ARHGAP27: variants seen among roughly 807,000 people sequenced by gnomAD.
The protein encoded by ARHGAP27 is Rho GTPase activating protein 27, also known as rho GTPase-activating protein 27.
ARHGAP27 carries 53 observed loss-of-function variants against 102.0 expected under a neutral mutation model. That is an observed-to-expected ratio of 0.52 (90% CI 0.42 to 0.65). The LOEUF is 0.65. ARHGAP27 is among the 30% of genes least tolerant of loss of function. The pLI is 0.00. For synonymous variants in ARHGAP27, 525 were observed against 542.8 expected, an observed-to-expected ratio of 0.97 and a Z score of 0.46; for missense variants, 1,117 against 1,256.2, an observed-to-expected ratio of 0.89 and a Z score of 1.68.
chr17:45,398,009 G>T lies in ARHGAP27; in HGVS notation c.1782C>A (p.His594Gln). 1.2e-6 allele frequency: 2 copies of T among 1,610,248 alleles called. No homozygotes were observed. The highest frequency in any genetic ancestry group is 1.7e-4 in the Middle Eastern group (1 of 6,042). Residue 594 changes from histidine (H) to glutamine (Q), a missense_variant, in exon 13 of 20, where the codon CAC becomes CAA. Physicochemically the swap from His to Gln is conservative, Grantham distance 24. Around this residue, in one of 3 missense-constraint regions of ARHGAP27, gnomAD observed 493 missense variants for 505.5 expected, o/e 0.98. Coordinates refer to ENST00000685559, the MANE Select transcript of ARHGAP27 (RefSeq NM_001282290.2). ...SRDGSEYLIQ[H>Q]DSEAIISTWH... ...AGGTGCTGATGATGGCCTCCGAGTC[G>T]TGCTGGATCAGGTACTCAGAGCCAT...
chr17:45,404,069 G>A lies in ARHGAP27; in HGVS notation c.1507C>T (p.Leu503Phe). ...RTKTLDKAGV[L>F]HRTKTADKGK... ...TTGTCTGCCGTCTTGGTGCGATGGA[G>A]CACCCCTGCCTTGTCCAAGGTCTTG... Residue 503 changes from leucine (L) to phenylalanine (F), a missense_variant, in exon 10 of 20, where the codon CTC becomes TTC. Physicochemically the swap from Leu to Phe is conservative, Grantham distance 22. This residue lies in a region of ARHGAP27 where 610 missense variants were observed against 716.4 expected (regional missense o/e 0.85). Coordinates refer to ENST00000685559, the MANE Select transcript of ARHGAP27 (RefSeq NM_001282290.2). 5 of 1,614,158 alleles carry A rather than the reference G, an allele frequency of 3.1e-6. No homozygotes were observed. Among genetic ancestry groups the A allele is most frequent in the Non-Finnish European group, 4.2e-6 (5 of 1,180,026 alleles).
chr17:45,415,062 CAAAA>C (rs546453138), intron 4 of ARHGAP27, among the ~76,000 whole-genome samples: 2 of 61,304 alleles, frequency 3.3e-5, no homozygotes, highest in Non-Finnish European at 3.3e-5. Context: ...GAGTCCATCT[CAAAA>C]AAAAAAAAAA....
At chr17:45,423,883 C>A (rs1430723665) in intron 4 of ARHGAP27, among the ~76,000 whole-genome samples, 1 of 152,250 alleles carries the variant, frequency 6.6e-6, no homozygotes, top group African/African-American at 2.4e-5. Context: ...TGCTCACAGT[C>A]ATTCGATTGA....
At position 45,430,059 on chromosome 17, in the gene ARHGAP27, G is replaced by A. The variant is rs1484683402; in HGVS notation, c.221C>T (p.Ala74Val). 3 of 1,292,388 alleles carry A rather than the reference G, an allele frequency of 2.3e-6. No individual in the cohort carries two copies. Among genetic ancestry groups the A allele is most frequent in the African/African-American group, 1.6e-5 (1 of 63,228 alleles). 80.1% of individuals were successfully genotyped at this position (1,292,388 alleles called of 1,614,324 possible). Reference sequence around the variant, plus strand: ...GTGGGGACCTGGCGGCGCGGCGGCGGCAGGGTTGCCCAGCGCGGGCAGCTC... The same window carrying A: ...GTGGGGACCTGGCGGCGCGGCGGCGACAGGGTTGCCCAGCGCGGGCAGCTC... The part of the protein sequence containing the change: ...VRELPALGNP[A>V]AAAPPGPHPS... The change falls in exon 4 of 20, where the codon GCC becomes GTC. Residue 74 changes from alanine to valine, a missense_variant. Coordinates refer to ENST00000685559, the MANE Select transcript of ARHGAP27 (RefSeq NM_001282290.2). This position sits in a 1 kb window ranked among gnomAD's most constrained non-coding sequence, Gnocchi z 4.4.
intron 4 of ARHGAP27, among the ~76,000 whole-genome samples, chr17:45,415,720 A>G (rs1281345240): frequency 6.6e-6 from 1 of 152,200 alleles, no homozygotes; most frequent in African/African-American, 2.4e-5. Flanking sequence ...GGTAACACCA[A>G]GGTTAGAGGA....
At chr17:45,422,732 T>C (rs1190586789) in intron 4 of ARHGAP27, among the ~76,000 whole-genome samples, 1 of 152,134 alleles carries the variant, frequency 6.6e-6, no homozygotes, top group African/African-American at 2.4e-5. Context: ...AGAGAAAATG[T>C]GAGAGGAAGG....
chr17:45,418,977 A>G (rs1469359279), intron 4 of ARHGAP27, among the ~76,000 whole-genome samples: 1 of 151,548 alleles, frequency 6.6e-6, no homozygotes, highest in Non-Finnish European at 1.5e-5. Context: ...TCTCTTCTCC[A>G]CTCTAGGGCC....
At chr17:45,412,300 C>T (rs2048004518) in intron 4 of ARHGAP27, among the ~76,000 whole-genome samples, 1 of 152,196 alleles carries the variant, frequency 6.6e-6, no homozygotes, top group Non-Finnish European at 1.5e-5. Flanking sequence ...CCAGAGGGGT[C>T]CACCTCCCTC....
Position 45,404,923 on chromosome 17 carries a change from C to T in ARHGAP27, c.1248+1G>A. ...CGGGTCCATCTGCCCCCTGCCCCTA[C>T]CTGCTCCTGAGTGAAGTGGTTGGTG... On this transcript the variant is annotated splice_donor_variant, in intron 6 of 19. Coordinates refer to ENST00000685559, the MANE Select transcript of ARHGAP27 (RefSeq NM_001282290.2). LOFTEE classifies it high-confidence loss of function. The T allele has an allele frequency of 6.2e-7, 1 of 1,614,084 alleles. No homozygotes were observed. Among genetic ancestry groups the T allele is most frequent in the Non-Finnish European group, 8.5e-7 (1 of 1,179,982 alleles).
At chr17:45,431,275 G>C (rs944475767) in intron 3 of ARHGAP27, among the ~76,000 whole-genome samples, 3 of 152,206 alleles carry the variant, frequency 2.0e-5, no homozygotes, top group South Asian at 2.1e-4. Context: ...AACTAAATCT[G>C]TCTGCGCCCC....
intron 4 of ARHGAP27, among the ~76,000 whole-genome samples, chr17:45,413,700 C>T (rs997484273): frequency 3.9e-5 from 6 of 152,116 alleles, no homozygotes; most frequent in African/African-American, 1.4e-4. Flanking sequence ...GCCTGCTCCT[C>T]CAGGGCGGGG....
chr17:45,414,902 C>CAA (rs35471470), intron 4 of ARHGAP27, among the ~76,000 whole-genome samples: 3,948 of 92,798 alleles, frequency 0.043, 150 homozygotes, highest in African/African-American at 0.092. Context: ...CTAAAAATAC[C>CAA]AAAAAAAAAA....
chr17:45,423,913 A>G (rs2049287311), intron 4 of ARHGAP27, among the ~76,000 whole-genome samples: 1 of 152,242 alleles, frequency 6.6e-6, no homozygotes, highest in Admixed American at 6.5e-5. Flanking sequence ...CTATTATTCA[A>G]ATATTTGTAA....
rs2049940007 is a variant in ARHGAP27 at position 45,430,063 on chromosome 17, G to T, written c.217C>A (p.Pro73Thr). Residue 73 changes from proline (P) to threonine (T), a missense_variant, in exon 4 of 20, where the codon CCT (proline) becomes ACT (threonine). Physicochemically the swap from Pro to Thr is conservative, Grantham distance 38. Transcript: ENST00000685559. This position sits in a 1 kb window ranked among gnomAD's most constrained non-coding sequence, Gnocchi z 4.4. ...YVRELPALGN[P>T]AAAAPPGPHP... ...GGACCTGGCGGCGCGGCGGCGGCAG[G>T]GTTGCCCAGCGCGGGCAGCTCGCGC... 5.3e-6 allele frequency: 7 copies of T among 1,321,020 alleles called. No homozygotes were observed. The highest frequency in any genetic ancestry group is 1.6e-5 in the African/African-American group (1 of 63,680). 81.8% of individuals were successfully genotyped at this position (1,321,020 alleles called of 1,614,324 possible). A position where few individuals can be genotyped will look rare whatever the true frequency, so the allele number is the denominator to read the frequency against.
chr17:45,405,646 A>G, intron 5 of ARHGAP27, 30 bp downstream of exon 5: 1 of 1,552,482 alleles, frequency 6.4e-7, no homozygotes. Context: ...GCTCAGAGGT[A>G]GAACCGCCCA....
intron 12 of ARHGAP27, among the ~76,000 whole-genome samples, chr17:45,400,109 G>A (rs1366610637): frequency 6.6e-6 from 1 of 152,150 alleles, no homozygotes; most frequent in Non-Finnish European, 1.5e-5. Flanking sequence ...GCTGCAGTGA[G>A]CTACGATCAA....
chr17:45,404,095 G>C lies in ARHGAP27; in HGVS notation c.1481C>G (p.Thr494Ser). The change falls in exon 10 of 20, where the codon ACC becomes AGC. Residue 494 changes from threonine (T) to serine (S), a missense_variant and splice_region_variant. Coordinates refer to ENST00000685559, the MANE Select transcript of ARHGAP27 (RefSeq NM_001282290.2). ...EVSPATAAVR[T>S]KTLDKAGVLH... is the part of the protein sequence containing the mutation. Reference sequence around the variant, plus strand: ...CACCCCTGCCTTGTCCAAGGTCTTGGTCTAAGAGAGAGAAGAGAGAGCAGG... The same window carrying C: ...CACCCCTGCCTTGTCCAAGGTCTTGCTCTAAGAGAGAGAAGAGAGAGCAGG... 6.2e-7 allele frequency: 1 copy of C among 1,614,120 alleles called. No homozygotes were observed. The highest frequency in any genetic ancestry group is 1.1e-5 in the South Asian group (1 of 91,086).
chr17:45,398,122 G>A (rs780847693), intron 12 of ARHGAP27, 75 bp from the exon 13 acceptor site: 3 of 1,298,360 alleles, frequency 2.3e-6, no homozygotes, highest in Non-Finnish European at 3.2e-6. Context: ...GTTGGGGGTA[G>A]GTACAGAGAT....
chr17:45,397,390 G>T, intron 13 of ARHGAP27: 1 of 891,844 alleles, frequency 1.1e-6, no homozygotes, highest in Non-Finnish European at 1.4e-6. Context: ...CTCCAGCTGT[G>T]GCCGGAGCAC....
Sources: gnomAD v4.1 joint callset for allele counts (sites outside exome capture counted in the v4.1 genomes callset) on GRCh38, gnomAD v4.1.1 for gene constraint, gnomAD v4.1.1 regional missense constraint, Gnocchi (gnomAD v3.1) non-coding constraint, MANE v1.5 for transcripts, NCBI Gene and HGNC (gene_info 2026-07-23, HGNC 2026-07-21) for gene names.